The following MYH3 variants were observed in gnomAD, a reference collection of about 807,000 sequenced individuals.
MYH3 encodes the protein myosin heavy chain 3.
A neutral mutation model predicts 238.0 loss-of-function variants in MYH3; 130 were observed. The ratio of observed to expected loss-of-function variants is 0.55; its 90% CI spans 0.47 to 0.63. MYH3 has a LOEUF of 0.63. Among genes scored for constraint, MYH3 ranks in the 30% least tolerant of loss-of-function variants. The pLI, the probability that MYH3 is intolerant of heterozygous loss-of-function variation, is 0.00. For missense variants in MYH3, 1,853 were observed against 2,374.9 expected, an observed-to-expected ratio of 0.78 and a Z score of 4.57; for synonymous variants, 880 against 924.1, an observed-to-expected ratio of 0.95 and a Z score of 0.86.
At chr17:10,633,495 A>G in intron 33 of MYH3, 96 bp downstream of exon 33, 2 of 1,556,572 alleles carry the variant, frequency 1.3e-6, no homozygotes, top group Non-Finnish European at 1.8e-6. Flanking sequence ...TGATTTGACA[A>G]AGGCAAAAAT....
chr17:10,661,537 G>C (rs2074480310), upstream of MYH3, among the ~76,000 whole-genome samples: 1 of 152,090 alleles, frequency 6.6e-6, no homozygotes, highest in Non-Finnish European at 1.5e-5. Flanking sequence ...GGGCAGAGCT[G>C]CATTTATCCC....
upstream of MYH3, among the ~76,000 whole-genome samples, chr17:10,660,064 C>T (rs1005134273): frequency 6.6e-6 from 1 of 152,240 alleles, no homozygotes; most frequent in Non-Finnish European, 1.5e-5. Context: ...ATGTGGATCC[C>T]GGCTTGCCCG....
rs1413354986 is a variant in MYH3 at position 10,650,512 on chromosome 17, A to AT, written c.506-112dup. 2.9e-6 allele frequency: 3 copies of AT among 1,021,160 alleles called. No individual in the cohort carries two copies. In the Admixed American group the frequency reaches 6.0e-5, roughly 20 times the overall value. 63.3% of individuals were successfully genotyped at this position (1,021,160 alleles called of 1,614,324 possible). Reference sequence around the variant, plus strand: ...AATTGCACAATTCCTCTTCCTTTACATTTTTTGTTTAGCCTTTAGGTGGGA... The same window carrying AT: ...AATTGCACAATTCCTCTTCCTTTACATTTTTTTGTTTAGCCTTTAGGTGGGA... On this transcript the variant is annotated intron_variant, in intron 5 of 40. Transcript: ENST00000583535.
At chr17:10,661,138 G>A (rs904495137), upstream of MYH3, among the ~76,000 whole-genome samples, 4 of 151,520 alleles carry the variant, frequency 2.6e-5, no homozygotes, top group African/African-American at 9.7e-5. Context: ...CACCATGCCT[G>A]GCTAATTTTT....
Position 10,646,004 on chromosome 17 carries a change from G to A in MYH3, c.927C>T (p.Tyr309=), listed in dbSNP as rs199987136. 7.4e-6 allele frequency: 12 copies of A among 1,613,976 alleles called. No homozygotes were observed. Among genetic ancestry groups the A allele is most frequent in the East Asian group, 2.2e-5 (1 of 44,850 alleles). ...CCCCCTGGCTAATGAACGGGTAGTC[G>A]TAAGGGTTGGTCGTAATAAGCAGCA... ...IELLLITTNP[Y]DYPFISQGEI... is the part of the protein sequence containing the mutation. Residue 309 remains tyrosine, a synonymous_variant, in exon 11 of 41, where the codon TAC becomes TAT. Transcript: ENST00000583535.
chr17:10,669,893 AGACT>A, the MYH3 span, among the ~76,000 whole-genome samples: 1 of 152,228 alleles, frequency 6.6e-6, no homozygotes. Context: ...CCTGGGTGAC[AGACT>A]GAGACCCTGT....
the MYH3 span, among the ~76,000 whole-genome samples, chr17:10,664,591 A>C: frequency 6.7e-6 from 1 of 149,124 alleles, no homozygotes; most frequent in East Asian, 1.9e-4. Context: ...AAGATGAACA[A>C]GTAATGAGTT....
At chr17:10,649,499 A>G in intron 7 of MYH3, 78 bp downstream of exon 7, 1 of 1,104,026 alleles carries the variant, frequency 9.1e-7, no homozygotes, top group Non-Finnish European at 1.4e-6. Flanking sequence ...GAATGTGAGG[A>G]CATTTGGCCC....
intron 3 of MYH3, among the ~76,000 whole-genome samples, chr17:10,653,152 T>C (rs2074394943): frequency 6.6e-6 from 1 of 152,102 alleles, no homozygotes; most frequent in South Asian, 2.1e-4. Context: ...AAAGAGGATC[T>C]GTGTGGGTGG....
At position 10,632,663 on chromosome 17, in the gene MYH3, T is replaced by C; in HGVS notation, c.4769A>G (p.Asn1590Ser). ...CATGGTTTCCACTGTTCTCTGGTAG[T>C]TCCTCTTCAGCTGCTCGATCTCTTC... ...KDEEIEQLKR[N>S]YQRTVETMQS... The change falls in exon 34 of 41, where the codon AAC becomes AGC. Residue 1590 changes from asparagine to serine, a missense_variant. Physicochemically the swap from Asn to Ser is conservative, Grantham distance 46 (BLOSUM62 1). Transcript: ENST00000583535. 1 of 1,614,198 alleles carries C rather than the reference T, an allele frequency of 6.2e-7. No individual in the cohort carries two copies. The highest frequency in any genetic ancestry group is 8.5e-7 in the Non-Finnish European group (1 of 1,180,028).
chr17:10,644,144 G>A (rs1485109231), intron 14 of MYH3, among the ~76,000 whole-genome samples: 1 of 138,790 alleles, frequency 7.2e-6, no homozygotes, highest in Non-Finnish European at 1.6e-5. Flanking sequence ...GTGACAGGGT[G>A]AAACTCAGTC....
intron 3 of MYH3, among the ~76,000 whole-genome samples, chr17:10,653,005 C>G (rs898588189): frequency 2.6e-5 from 4 of 152,014 alleles, no homozygotes; most frequent in Non-Finnish European, 5.9e-5. Flanking sequence ...TAGAACAAGC[C>G]CAGCTCACAG....
At chr17:10,661,923 C>A (rs964343337), upstream of MYH3, among the ~76,000 whole-genome samples, 3 of 152,116 alleles carry the variant, frequency 2.0e-5, no homozygotes, top group Admixed American at 1.3e-4. Context: ...GCCAAAATGC[C>A]CAGAGTCTCA....
At position 10,634,822 on chromosome 17, in the gene MYH3, A is replaced by G. The variant is rs201789195; in HGVS notation, c.4356+18T>C. 6.2e-7 allele frequency: 1 copy of G among 1,614,102 alleles called. No individual in the cohort carries two copies. The highest frequency in any genetic ancestry group is 1.3e-5 in the African/African-American group (1 of 75,026). ...CCTTACATCATGGCATTCACCCAGC[A>G]CACAGCGGACCCCACACCTTGTCAA... On this transcript the variant is annotated intron_variant, in intron 31 of 40. Coordinates refer to ENST00000583535, the MANE Select transcript of MYH3 (RefSeq NM_002470.4).
chr17:10,640,609 G>A lies in MYH3; in HGVS notation c.2243C>T (p.Ala748Val), dbSNP rs2074261951. The A allele has an allele frequency of 3.7e-6, 6 of 1,614,114 alleles. No individual in the cohort carries two copies. The highest frequency in any genetic ancestry group is 4.2e-6 in the Non-Finnish European group (5 of 1,180,028). The change falls in exon 20 of 41, where the codon GCA (alanine) becomes GTA (valine). Residue 748 changes from alanine (A) to valine (V), a missense_variant. By Grantham distance (64) the Ala-to-Val change is moderately conservative (BLOSUM62 0). This residue lies in a region of MYH3 where 678 missense variants were observed against 1,058.9 expected (regional missense o/e 0.64). Transcript: ENST00000583535. Reference sequence around the variant, plus strand: ...CTGAGTGTGGTCAATATCAATGGATGCCAGAAGCTTTTCACAGGCTTTCTT... The same window carrying A: ...CTGAGTGTGGTCAATATCAATGGATACCAGAAGCTTTTCACAGGCTTTCTT... ...DSKKACEKLL[A>V]SIDIDHTQYK...
the MYH3 span, among the ~76,000 whole-genome samples, chr17:10,670,653 G>A: frequency 1.3e-5 from 2 of 152,026 alleles, no homozygotes; most frequent in Non-Finnish European, 2.9e-5. The surrounding 1 kb of genome is among the most constrained non-coding windows in gnomAD (Gnocchi z 7.0). Context: ...TGTTCATTTA[G>A]GAAGATGTGG....
rs773446234 is a variant in MYH3 at position 10,638,412 on chromosome 17, T to C, written c.3360A>G (p.Glu1120=). Reference sequence around the variant, plus strand: ...TGGCCCTCTCCGCCTCTATCTCCTCTTCCAGCTCCTCAATTCGAGCCTGTG... The same window carrying C: ...TGGCCCTCTCCGCCTCTATCTCCTCCTCCAGCTCCTCAATTCGAGCCTGTG... ...KELQARIEEL[E]EEIEAERATR... is the part of the protein sequence containing the mutation. The change falls in exon 27 of 41, where the codon GAA becomes GAG. Residue 1120 remains glutamate, a synonymous_variant. Transcript: ENST00000583535. 1.4e-5 allele frequency: 22 copies of C among 1,600,496 alleles called. No homozygotes were observed. The highest frequency in any genetic ancestry group is 1.8e-5 in the Non-Finnish European group (21 of 1,179,916).
rs367966302 is a variant in MYH3 at position 10,628,779 on chromosome 17, G to A, written c.5797-100C>T. ...GCATCAGAGTTGCTTGCCTACTTCA[G>A]TGGGACACAGGATATTTTTTGGACC... is the stretch of plus-strand genomic sequence containing the variant. On this transcript the variant is annotated intron_variant, in intron 40 of 40. Transcript: ENST00000583535. The A allele has an allele frequency of 5.5e-5, 69 of 1,255,456 alleles. No individual in the cohort carries two copies. The East Asian group carries it at 1.0e-3, about 19-fold the overall frequency. 77.8% of individuals were successfully genotyped at this position (1,255,456 alleles called of 1,614,324 possible). A position where few individuals can be genotyped will look rare whatever the true frequency, so the allele number is the denominator to read the frequency against.
At chr17:10,670,691 CACT>C in the MYH3 span, among the ~76,000 whole-genome samples, 1 of 149,166 alleles carries the variant, frequency 6.7e-6, no homozygotes, top group Non-Finnish European at 1.5e-5. This position sits in a 1 kb window ranked among gnomAD's most constrained non-coding sequence, Gnocchi z 7.0. Flanking sequence ...ACAAACACAC[CACT>C]ATTATTAATG....
Sources: allele counts gnomAD v4.1 joint callset (sites outside exome capture counted in the v4.1 genomes callset), GRCh38; gene constraint gnomAD v4.1.1; regional missense constraint gnomAD v4.1.1; non-coding constraint Gnocchi (gnomAD v3.1); transcripts MANE v1.5; gene names NCBI Gene and HGNC (gene_info 2026-07-23, HGNC 2026-07-21).